The following STK40 variants were observed in gnomAD, a reference collection of about 807,000 sequenced individuals.
STK40 encodes the protein serine/threonine-protein kinase 40.
A neutral mutation model predicts 47.9 loss-of-function variants in STK40; 13 were observed. That is an observed-to-expected ratio of 0.27 (90% CI 0.18 to 0.43). The LOEUF (loss-of-function observed/expected upper bound fraction) is 0.43. STK40 is among the 20% of genes least tolerant of loss of function. The probability of loss-of-function intolerance (pLI) is 1.00; values close to 1 mark genes in which losing one functional copy is unlikely to be tolerated. For missense variants in STK40, 460 were observed against 595.1 expected, an observed-to-expected ratio of 0.77 and a Z score of 2.36; for synonymous variants, 225 against 243.2, an observed-to-expected ratio of 0.93 and a Z score of 0.69.
At chr1:36,356,640 T>C in intron 4 of STK40, among the ~76,000 whole-genome samples, 1 of 152,058 alleles carries the variant, frequency 6.6e-6, no homozygotes, top group East Asian at 1.9e-4. Flanking sequence ...TTAGCCAGTA[T>C]GGTCTCAATC....
chr1:36,344,382 G>A (rs139693838), intron 7 of STK40, 118 bp from the exon 8 acceptor site: 96 of 1,352,454 alleles, frequency 7.1e-5, no homozygotes, highest in African/African-American at 2.8e-4. Flanking sequence ...CCCCAGAGTC[G>A]TCCTCTGAGC....
chr1:36,383,461 C>T (rs1045563378), intron 1 of STK40, among the ~76,000 whole-genome samples: 23 of 152,230 alleles, frequency 1.5e-4, no homozygotes, highest in East Asian at 1.9e-4. Flanking sequence ...AGGAGCTTGC[C>T]ATCTGGCACT....
At position 36,341,148 on chromosome 1, in the gene STK40, CCA is replaced by C. The variant is rs1157716279; in HGVS notation, c.*605_*606del. ...CAGCCAGGCTGGGGGCAGGGAGTGGCCATGGACTGAGCCACCTAGAGATGGGA... is the reference window on the plus strand; with the variant it reads ...CAGCCAGGCTGGGGGCAGGGAGTGGCTGGACTGAGCCACCTAGAGATGGGA... On this transcript the variant is annotated 3_prime_UTR_variant, in exon 11 of 11. Coordinates refer to ENST00000373132, the MANE Select transcript of STK40 (RefSeq NM_001282547.2). 6.5e-6 allele frequency: 1 copy of C among 153,216 alleles called. No homozygotes were observed. Among genetic ancestry groups the C allele is most frequent in the Non-Finnish European group, 1.5e-5 (1 of 68,634 alleles). The allele number at this position is 153,216 out of a possible 1,614,324, so 9.5% of individuals were successfully genotyped here.
At chr1:36,383,679 TC>T (rs1647060096) in intron 1 of STK40, among the ~76,000 whole-genome samples, 1 of 152,220 alleles carries the variant, frequency 6.6e-6, no homozygotes, top group African/African-American at 2.4e-5. Context: ...TTTCACTTGC[TC>T]CCGGCTGCCC....
rs1412240338 is a variant in STK40 at position 36,343,903 on chromosome 1, C to T, written c.961G>A (p.Ala321Thr). 6.2e-6 allele frequency: 10 copies of T among 1,606,468 alleles called. No individual in the cohort carries two copies. The highest frequency in any genetic ancestry group is 2.2e-5 in the East Asian group (1 of 44,690). The change falls in exon 9 of 11, where the codon GCC (alanine) becomes ACC (threonine). Residue 321 changes from alanine (A) to threonine (T), a missense_variant. Physicochemically the swap from Ala to Thr is moderately conservative, Grantham distance 58 (BLOSUM62 0). Transcript: ENST00000373132. The stretch of plus-strand genomic sequence containing the variant: ...CTGAGGGCCTCCAGGACGTCGGCGG[C>T]GGCCAGGCGCTGCTGGGGGTCAAGG... Reference protein sequence around the residue: ...LVLDPQQRLAAADVLEALSAI... With the variant: ...LVLDPQQRLATADVLEALSAI...
At chr1:36,350,241 C>A (rs1289311032) in intron 6 of STK40, among the ~76,000 whole-genome samples, 1 of 152,208 alleles carries the variant, frequency 6.6e-6, no homozygotes. Flanking sequence ...TGCAAAGGGT[C>A]ACTTGCACGT....
intron 1 of STK40, among the ~76,000 whole-genome samples, chr1:36,385,282 C>T (rs1166984321): frequency 6.6e-6 from 1 of 152,246 alleles, no homozygotes; most frequent in African/African-American, 2.4e-5. Flanking sequence ...AGCGCCCGTG[C>T]CAGAGTGAGG....
Position 36,341,625 on chromosome 1 carries a change from G to T in STK40, c.*130C>A. ...GCTGACCCCACGTGTGACCTGGGCT[G>T]TCCCTGTCCCTGCCCTGTCCCTATT... On this transcript the variant is annotated 3_prime_UTR_variant, in exon 11 of 11. Transcript: ENST00000373132. The T allele has an allele frequency of 2.6e-6, 3 of 1,133,232 alleles. No individual in the cohort carries two copies. Among genetic ancestry groups the T allele is most frequent in the Non-Finnish European group, 3.8e-6 (3 of 798,128 alleles). 70.2% of individuals were successfully genotyped at this position (1,133,232 alleles called of 1,614,324 possible).
rs138921670 is a variant in STK40, at chr1:36,347,924, A to G, written c.739+776T>C. Among the ~76,000 whole-genome samples the G allele has an allele frequency of 1.8e-3, 275 of 152,324 alleles. 1 individual carries two copies. Among genetic ancestry groups the G allele is most frequent in the African/African-American group, 6.4e-3 (265 of 41,570 alleles). On this transcript the variant is annotated intron_variant, in intron 7 of 10. Transcript: ENST00000373132. ...CAGCCTCCCAAAGTGTTGGGATTAC[A>G]GGCATGAGCCACTGCACCCGGCCTG...
chr1:36,356,008 C>T (rs939966205), intron 4 of STK40, among the ~76,000 whole-genome samples: 10 of 152,160 alleles, frequency 6.6e-5, no homozygotes, highest in African/African-American at 2.4e-4. Context: ...AAGAGTGACT[C>T]TGACCTCAGA....
chr1:36,369,100 G>A (rs1288210891), intron 1 of STK40, among the ~76,000 whole-genome samples: 1 of 152,198 alleles, frequency 6.6e-6, no homozygotes, highest in African/African-American at 2.4e-5. Flanking sequence ...AGCCTGGCAT[G>A]AACAGGAATT....
intron 1 of STK40, among the ~76,000 whole-genome samples, chr1:36,370,468 C>T (rs1032664767): frequency 6.6e-6 from 1 of 152,172 alleles, no homozygotes; most frequent in African/African-American, 2.4e-5. Context: ...AACTTCTGGC[C>T]TAACCATGCA....
At chr1:36,345,991 A>ATATTTTTTTTTTTTTTTTT in intron 7 of STK40, among the ~76,000 whole-genome samples, 7 of 26,464 alleles carry the variant, frequency 2.6e-4, no homozygotes, top group Admixed American at 6.5e-4. Context: ...ATATATATAT[A>ATATTTTTTTTTTTTTTTTT]TTTTTTTTTT....
chr1:36,343,002 T>A, intron 10 of STK40: 1 of 595,590 alleles, frequency 1.7e-6, no homozygotes, highest in Non-Finnish European at 3.0e-6. Context: ...GAGAAATGAA[T>A]CATCTGAAAA....
intron 10 of STK40, chr1:36,342,848 A>T (rs1490380313): frequency 3.2e-6 from 1 of 315,520 alleles, no homozygotes; most frequent in East Asian, 8.6e-5. Context: ...TCCAGGGCCC[A>T]GCAATGCTGT....
intron 1 of STK40, among the ~76,000 whole-genome samples, chr1:36,377,661 T>C (rs1286313592): frequency 6.6e-6 from 1 of 151,864 alleles, no homozygotes; most frequent in Non-Finnish European, 1.5e-5. Flanking sequence ...TGTGAGCTTG[T>C]GTGCCAATGC....
chr1:36,348,032 T>A (rs944040033), intron 7 of STK40, among the ~76,000 whole-genome samples: 12 of 152,252 alleles, frequency 7.9e-5, no homozygotes, highest in Non-Finnish European at 1.5e-4. Flanking sequence ...GTTTGTCTAC[T>A]TTGTTCCCTG....
chr1:36,350,752 G>A (rs974885309), intron 6 of STK40, among the ~76,000 whole-genome samples: 13 of 152,346 alleles, frequency 8.5e-5, no homozygotes, highest in African/African-American at 2.9e-4. Context: ...AACAGGCCCC[G>A]GAGAGCACAT....
intron 1 of STK40, among the ~76,000 whole-genome samples, chr1:36,378,106 C>T (rs1289147461): frequency 6.6e-6 from 1 of 152,222 alleles, no homozygotes; most frequent in Middle Eastern, 3.2e-3. Context: ...TTGCCCACTA[C>T]CCATAGGGCA....
Sources: allele counts gnomAD v4.1 joint callset (sites outside exome capture counted in the v4.1 genomes callset), GRCh38; gene constraint gnomAD v4.1.1; transcripts MANE v1.5; gene names NCBI Gene and HGNC (gene_info 2026-07-23, HGNC 2026-07-21).